Variants in MGST1 observed in about 807,000 individuals in gnomAD.
MGST1 encodes microsomal glutathione S-transferase 1.
Under a neutral mutation model 8.9 loss-of-function variants are expected in MGST1, and 5 were observed. The observed-to-expected ratio is 0.56, with a 90% confidence interval of 0.29 to 1.19. The LOEUF (loss-of-function observed/expected upper bound fraction) is 1.19, where lower values mean the gene tolerates loss of function less well. Among genes scored for constraint, MGST1 ranks in the 50% most tolerant of loss-of-function variants. The pLI is 0.08. For synonymous variants in MGST1, 54 were observed against 67.8 expected, an observed-to-expected ratio of 0.80 and a Z score of 1.00; for missense variants, 182 against 187.4, an observed-to-expected ratio of 0.97 and a Z score of 0.17.
At chr12:16,414,565 G>A (rs1161249565) in intron 1 of MGST1, among the ~76,000 whole-genome samples, 10 of 151,496 alleles carry the variant, frequency 6.6e-5, no homozygotes, top group East Asian at 5.9e-4. Flanking sequence ...ACAGGTGCCC[G>A]CCACCATGCC....
chr12:16,505,248 TA>T (rs375792392), intron 4 of MGST1, among the ~76,000 whole-genome samples: 4 of 151,970 alleles, frequency 2.6e-5, no homozygotes, highest in East Asian at 1.9e-4. Context: ...TCCACAAGAA[TA>T]AAAAAAATGC....
At chr12:16,435,057 T>C (rs1940972556) in intron 1 of MGST1, among the ~76,000 whole-genome samples, 2 of 151,978 alleles carry the variant, frequency 1.3e-5, no homozygotes, top group African/African-American at 4.8e-5. Context: ...AAACAAGAAG[T>C]TTGTTTTTTT....
chr12:16,479,926 C>T (rs55993811), intron 4 of MGST1, among the ~76,000 whole-genome samples: 31,845 of 151,946 alleles, frequency 0.21, 3,863 homozygotes, highest in Middle Eastern at 0.28. Context: ...TTTAAAACAC[C>T]TGTTAGCCTC....
chr12:16,495,555 T>A (rs935430892), intron 4 of MGST1, among the ~76,000 whole-genome samples: 4 of 152,078 alleles, frequency 2.6e-5, no homozygotes, highest in Non-Finnish European at 2.9e-5. Context: ...ATGGTATATG[T>A]AGGTCTATAA....
intron 4 of MGST1, among the ~76,000 whole-genome samples, chr12:16,528,363 C>T (rs531354512): frequency 6.6e-6 from 1 of 151,674 alleles, no homozygotes; most frequent in African/African-American, 2.4e-5. Context: ...TTATAGAGTG[C>T]AAGGACAATA....
chr12:16,499,454 T>C lies in MGST1; in HGVS notation n.483-90074T>C, dbSNP rs150710934. 1.9e-4 allele frequency among the ~76,000 whole-genome samples: 29 copies of C among 152,268 alleles called. No homozygotes were observed. In the East Asian group the frequency reaches 3.7e-3, roughly 19 times the overall value. Reference sequence around the variant, plus strand: ...TCTGTGGGTGTTTTGTCCCCATTTGTTTCCCTGTTTTTTGTAGAACTATGG... The same window carrying C: ...TCTGTGGGTGTTTTGTCCCCATTTGCTTCCCTGTTTTTTGTAGAACTATGG... On this transcript the variant is annotated intron_variant and non_coding_transcript_variant, in intron 4 of 4. Transcript: ENST00000538857.
chr12:16,353,407 C>T (rs932838226), intron 1 of MGST1: 2 of 152,272 alleles, frequency 1.3e-5, no homozygotes, highest in Admixed American at 6.5e-5. Context: ...ACAGCTAAAT[C>T]GTGGGACTGG....
chr12:16,519,778 G>C (rs1307398012), intron 4 of MGST1, among the ~76,000 whole-genome samples: 1 of 151,944 alleles, frequency 6.6e-6, no homozygotes, highest in African/African-American at 2.4e-5. Flanking sequence ...CTGGTTTTTG[G>C]TTTGTTTCAG....
At chr12:16,415,729 A>C (rs1591721428) in intron 1 of MGST1, among the ~76,000 whole-genome samples, 3 of 152,292 alleles carry the variant, frequency 2.0e-5, no homozygotes, top group Admixed American at 2.0e-4. Flanking sequence ...TTAGTAGTTA[A>C]GTTTTTGGGG....
intron 4 of MGST1, among the ~76,000 whole-genome samples, chr12:16,531,768 G>A (rs981022012): frequency 2.0e-5 from 3 of 152,118 alleles, no homozygotes; most frequent in African/African-American, 4.8e-5. Flanking sequence ...GCACAGAGGC[G>A]CTTCTTTGTG....
At chr12:16,581,078 C>G (rs1943144303) in intron 4 of MGST1, among the ~76,000 whole-genome samples, 1 of 152,204 alleles carries the variant, frequency 6.6e-6, no homozygotes, top group Non-Finnish European at 1.5e-5. Flanking sequence ...TAGTTAGGTA[C>G]AAGAAAACCA....
chr12:16,398,557 AG>A (rs1940625892), intron 1 of MGST1, among the ~76,000 whole-genome samples: 1 of 152,208 alleles, frequency 6.6e-6, no homozygotes, highest in Non-Finnish European at 1.5e-5. Context: ...TAGATATATC[AG>A]AAAAAAAAGA....
chr12:16,498,291 G>GT (rs2137164392), intron 4 of MGST1, among the ~76,000 whole-genome samples: 1 of 152,230 alleles, frequency 6.6e-6, no homozygotes, highest in African/African-American at 2.4e-5. Context: ...CCACTTCCTA[G>GT]TATCTCTCCC....
At chr12:16,359,615 A>T (rs1356088280) in intron 3 of MGST1, among the ~76,000 whole-genome samples, 4 of 152,176 alleles carry the variant, frequency 2.6e-5, no homozygotes, top group Admixed American at 2.6e-4. Context: ...AAAAAAAATA[A>T]AAAAAAGTGA....
chr12:16,588,871 G>A (rs909214796), intron 4 of MGST1, among the ~76,000 whole-genome samples: 2 of 151,878 alleles, frequency 1.3e-5, no homozygotes, highest in African/African-American at 4.8e-5. Flanking sequence ...TCATAACTCA[G>A]TGCCATTCTC....
chr12:16,410,783 T>C lies in MGST1; in HGVS notation n.779-26605T>C, dbSNP rs1940736259. Among the ~76,000 whole-genome samples, 1 of 151,462 alleles carries C rather than the reference T, an allele frequency of 6.6e-6. No individual in the cohort carries two copies. Among genetic ancestry groups the C allele is most frequent in the South Asian group, 2.1e-4 (1 of 4,810 alleles). On this transcript the variant is annotated intron_variant and non_coding_transcript_variant, in intron 1 of 1. Coordinates refer to the MGST1 transcript ENST00000359720. The surrounding 1 kb of genome is among the most constrained non-coding windows in gnomAD (Gnocchi z 4.4). ...TATTTGATTATGTCATCTCCCCATA[T>C]CCCAAACCCTTCACCAGCTTCTCAT...
intron 4 of MGST1, among the ~76,000 whole-genome samples, chr12:16,502,903 C>G (rs1356702323): frequency 6.6e-6 from 1 of 152,190 alleles, no homozygotes; most frequent in Non-Finnish European, 1.5e-5. Context: ...TTGCCACTTT[C>G]AATCCTAGGC....
In MGST1 at chr12:16,467,991, T is replaced by A. The variant is rs559280917; in HGVS notation, n.482+84387T>A. The stretch of plus-strand genomic sequence containing the variant: ...TGAAACCAACTGTTGAGGCTCATTG[T>A]CAGCTGCTGGTTTCTAGAGTATTAA... On this transcript the variant is annotated intron_variant and non_coding_transcript_variant, in intron 4 of 4. Coordinates refer to the MGST1 transcript ENST00000538857. 6.6e-5 allele frequency among the ~76,000 whole-genome samples: 10 copies of A among 152,298 alleles called. No homozygotes were observed. The South Asian group carries it at 2.1e-3, about 32-fold the overall frequency.
intron 2 of MGST1, among the ~76,000 whole-genome samples, chr12:16,356,073 A>T (rs138927603): frequency 1.3e-3 from 203 of 152,182 alleles, no homozygotes; most frequent in East Asian, 2.9e-3. Flanking sequence ...TCTTATAAAG[A>T]CTTTAATCTC....
Sources: gnomAD v4.1 joint callset for allele counts (sites outside exome capture counted in the v4.1 genomes callset) on GRCh38, gnomAD v4.1.1 for gene constraint, Gnocchi (gnomAD v3.1) non-coding constraint, MANE v1.5 for transcripts, NCBI Gene and HGNC (gene_info 2026-07-23, HGNC 2026-07-21) for gene names.